MCF2L2: variants seen among roughly 807,000 people sequenced by gnomAD.
MCF2L2 encodes the protein probable guanine nucleotide exchange factor MCF2L2.
MCF2L2 carries 102 observed loss-of-function variants against 150.2 expected under a neutral mutation model. The ratio of observed to expected loss-of-function variants is 0.68; its 90% CI spans 0.58 to 0.80. The LOEUF (loss-of-function observed/expected upper bound fraction) is 0.80. Ranked by LOEUF, MCF2L2 falls within the 30% of genes least tolerant of loss-of-function variation. The probability of loss-of-function intolerance (pLI) is 0.00; values close to 1 mark genes in which losing one functional copy is unlikely to be tolerated. For synonymous variants in MCF2L2, 465 were observed against 491.3 expected, an observed-to-expected ratio of 0.95 and a Z score of 0.71; for missense variants, 1,256 against 1,372.8, an observed-to-expected ratio of 0.91 and a Z score of 1.34.
intron 15 of MCF2L2, among the ~76,000 whole-genome samples, chr3:183,252,028 TTGTA>T (rs762679897): frequency 6.7e-6 from 1 of 149,536 alleles, no homozygotes; most frequent in Non-Finnish European, 1.5e-5. Context: ...AATATGTGAT[TTGTA>T]TGTGTGTCTA....
intron 1 of MCF2L2, among the ~76,000 whole-genome samples, chr3:183,426,784 G>A (rs776583243): frequency 2.0e-5 from 3 of 152,096 alleles, no homozygotes; most frequent in East Asian, 1.9e-4. Context: ...ATCTTTTGTC[G>A]TAAAAGTTCA....
chr3:183,269,957 T>C lies in MCF2L2; in HGVS notation c.1862+6915A>G, dbSNP rs914856722. 9 of 1,614,008 alleles carry C rather than the reference T, an allele frequency of 5.6e-6. No individual in the cohort carries two copies. In the Admixed American group the frequency reaches 1.5e-4, roughly 27 times the overall value. ...CATATTCTTACAGATACCTCATAAA[T>C]AGCTATGACTTTGTGAATGATACCC... On this transcript the variant is annotated intron_variant, in intron 15 of 29. Transcript: ENST00000328913.
intron 15 of MCF2L2, among the ~76,000 whole-genome samples, chr3:183,241,613 A>G (rs1724029687): frequency 6.6e-6 from 1 of 152,184 alleles, no homozygotes; most frequent in Non-Finnish European, 1.5e-5. Context: ...CTCCCCAGCT[A>G]TGTGGAACTG....
intron 21 of MCF2L2, among the ~76,000 whole-genome samples, chr3:183,216,568 ATATATATATATATTTTTTTTTTTTTTTT>A (rs1722932485): frequency 2.9e-4 from 2 of 6,998 alleles, no homozygotes; most frequent in Admixed American, 2.7e-3. Flanking sequence ...ATATATATAT[ATATATATATATATTTTTTTTTTTTTTTT>A]TTTTTTTTTT....
intron 1 of MCF2L2, among the ~76,000 whole-genome samples, chr3:183,401,801 T>A (rs1714771642): frequency 6.6e-6 from 1 of 152,224 alleles, no homozygotes; most frequent in Non-Finnish European, 1.5e-5. Flanking sequence ...TGTCATTGTA[T>A]GGACAGCTAC....
chr3:183,424,896 T>C (rs1185440755), intron 1 of MCF2L2, among the ~76,000 whole-genome samples: 18 of 152,150 alleles, frequency 1.2e-4, no homozygotes, highest in Admixed American at 1.2e-3. Flanking sequence ...ACTGAAGAGT[T>C]CAAGTTGTCC....
At chr3:183,279,009 G>A (rs1338261712) in intron 14 of MCF2L2, among the ~76,000 whole-genome samples, 1 of 152,140 alleles carries the variant, frequency 6.6e-6, no homozygotes, top group Non-Finnish European at 1.5e-5. Context: ...TGCCATTGAG[G>A]ATGCAATGAG....
chr3:183,277,197 C>T (rs1371130023), intron 14 of MCF2L2, among the ~76,000 whole-genome samples: 3 of 151,982 alleles, frequency 2.0e-5, no homozygotes, highest in Non-Finnish European at 4.4e-5. Flanking sequence ...ATCGGCCGGG[C>T]GTGGTGGCAG....
Position 183,270,279 on chromosome 3 carries a change from T to G in MCF2L2, c.1862+6593A>C. On this transcript the variant is annotated intron_variant, in intron 15 of 29. Coordinates refer to ENST00000328913, the MANE Select transcript of MCF2L2 (RefSeq NM_015078.4). This position sits in a 1 kb window ranked among gnomAD's most constrained non-coding sequence, Gnocchi z 4.5. ...GTACAATGATATAATTCAGCAAGAC[T>G]TTGTTGATTCTTTCTACAATCTTAC... 6.2e-7 allele frequency: 1 copy of G among 1,614,176 alleles called. No individual in the cohort carries two copies. Among genetic ancestry groups the G allele is most frequent in the Non-Finnish European group, 8.5e-7 (1 of 1,180,010 alleles).
At chr3:183,379,087 G>C (rs1421360179) in intron 3 of MCF2L2, 4 of 515,206 alleles carry the variant, frequency 7.8e-6, no homozygotes, top group Admixed American at 4.1e-5. Flanking sequence ...GTGCACAAGA[G>C]AGTCAAAACT....
intron 7 of MCF2L2, among the ~76,000 whole-genome samples, chr3:183,313,232 AACACAC>A (rs111694523): frequency 1.3e-5 from 2 of 149,304 alleles, no homozygotes; most frequent in East Asian, 2.0e-4. Flanking sequence ...AGCTTCCAGC[AACACAC>A]ACACACACAC....
chr3:183,309,973 T>A (rs1484224638), intron 9 of MCF2L2, 138 bp from the exon 10 acceptor site: 1 of 919,842 alleles, frequency 1.1e-6, no homozygotes, highest in African/African-American at 1.7e-5. Flanking sequence ...TTAAAAATTT[T>A]TTTTTTGCAG....
rs1476212915 is a variant in MCF2L2 at position 183,179,589 on chromosome 3, T to C, written c.3209A>G (p.Asp1070Gly). The C allele has an allele frequency of 6.2e-7, 1 of 1,614,138 alleles. No individual in the cohort carries two copies. Among genetic ancestry groups the C allele is most frequent in the African/African-American group, 1.3e-5 (1 of 75,072 alleles). Residue 1070 changes from aspartate (D) to glycine (G), a missense_variant, in exon 29 of 30, where the codon GAT becomes GGT. By Grantham distance (94) the Asp-to-Gly change is moderately conservative. Transcript: ENST00000328913. This position sits in a 1 kb window ranked among gnomAD's most constrained non-coding sequence, Gnocchi z 4.2. The part of the protein sequence containing the change: ...ESSQGEKEER[D>G]EEETATRSTE... ...CGCTCACACTCACGTTTCCTCCTCA[T>C]CGCGTTCTTCTTTTTCTCCCTGGCT...
intron 1 of MCF2L2, chr3:183,400,434 A>G (rs1200235210): frequency 4.4e-6 from 2 of 456,548 alleles, no homozygotes. Flanking sequence ...TATCCGCACC[A>G]AGGTGTAAGG....
intron 28 of MCF2L2, 39 bp downstream of exon 28, chr3:183,180,032 G>T: frequency 6.8e-7 from 1 of 1,472,186 alleles, no homozygotes; most frequent in Non-Finnish European, 9.5e-7. Context: ...GAATAGGAAG[G>T]AGGGAAGAAG....
rs895572720 is a variant in MCF2L2, at chr3:183,240,690, G to A, written c.1863-9673C>T. The stretch of plus-strand genomic sequence containing the variant: ...CACATCAGAATGGGGAGAGGTGGGT[G>A]GGAGCTAAGATGGAATCTGTAATTT... On this transcript the variant is annotated intron_variant, in intron 15 of 29. Transcript: ENST00000328913. 3.3e-5 allele frequency among the ~76,000 whole-genome samples: 5 copies of A among 152,158 alleles called. No homozygotes were observed. In the South Asian group the frequency reaches 8.3e-4, roughly 25 times the overall value.
Position 183,270,987 on chromosome 3 carries a change from A to G in MCF2L2, c.1862+5885T>C. ...CTGTCACTGAGTCAAACCTGGATGAAAAAAACCTTTAAATGTTCGTCTATA... is the reference window on the plus strand; with the variant it reads ...CTGTCACTGAGTCAAACCTGGATGAGAAAAACCTTTAAATGTTCGTCTATA... On this transcript the variant is annotated intron_variant, in intron 15 of 29. Transcript: ENST00000328913. This position sits in a 1 kb window ranked among gnomAD's most constrained non-coding sequence, Gnocchi z 4.5. 6.8e-7 allele frequency: 1 copy of G among 1,479,972 alleles called. No individual in the cohort carries two copies. Among genetic ancestry groups the G allele is most frequent in the Non-Finnish European group, 9.1e-7 (1 of 1,104,358 alleles). 91.7% of individuals were successfully genotyped at this position (1,479,972 alleles called of 1,614,324 possible).
chr3:183,334,921 A>G (rs1730412850), intron 5 of MCF2L2, among the ~76,000 whole-genome samples: 1 of 152,100 alleles, frequency 6.6e-6, no homozygotes, highest in Non-Finnish European at 1.5e-5. Context: ...TCTGGGCAAC[A>G]TGGTGAAACT....
At chr3:183,195,669 G>T (rs899477169) in intron 25 of MCF2L2, among the ~76,000 whole-genome samples, 1 of 152,140 alleles carries the variant, frequency 6.6e-6, no homozygotes, top group African/African-American at 2.4e-5. Context: ...CTTTACTAAA[G>T]TGTTGTCCCA....
Sources: allele counts gnomAD v4.1 joint callset (sites outside exome capture counted in the v4.1 genomes callset), GRCh38; gene constraint gnomAD v4.1.1; non-coding constraint Gnocchi (gnomAD v3.1); transcripts MANE v1.5; gene names NCBI Gene and HGNC (gene_info 2026-07-23, HGNC 2026-07-21).